The following TULP4 variants were observed in gnomAD, a reference collection of about 807,000 sequenced individuals.
TULP4 encodes the protein TUB like protein 4, also known as tubby-related protein 4.
Under a neutral mutation model 129.0 loss-of-function variants are expected in TULP4, and 16 were observed. The observed-to-expected ratio is 0.12, with a 90% CI of 0.08 to 0.19. TULP4 has a LOEUF of 0.19. Ranked by LOEUF, TULP4 falls within the 10% of genes least tolerant of loss-of-function variation. The pLI, the probability that TULP4 is intolerant of heterozygous loss-of-function variation, is 1.00. For synonymous variants in TULP4, 998 were observed against 854.0 expected (o/e 1.17, Z -2.94); for missense variants, 1,842 against 2,059.1 (o/e 0.89, Z 2.04).
At chr6:158,275,178 T>G (rs1163867857) in intron 1 of TULP4, among the ~76,000 whole-genome samples, 2 of 152,246 alleles carry the variant, frequency 1.3e-5, no homozygotes, top group African/African-American at 4.8e-5. Flanking sequence ...TGCCACTGTC[T>G]GGAGCCCACG....
upstream of TULP4, chr6:158,311,978 A>C (rs895334699): frequency 2.5e-6 from 1 of 396,078 alleles, no homozygotes; most frequent in Non-Finnish European, 4.4e-6. Context: ...AGTTTCAGCA[A>C]TTATTCTTAA....
chr6:158,237,889 A>G (rs1173450466), intron 1 of TULP4: 5 of 741,250 alleles, frequency 6.7e-6, no homozygotes, highest in Non-Finnish European at 1.3e-5. Flanking sequence ...AAACTGTGCC[A>G]GGGTATGAAT....
chr6:158,286,456 C>T (rs1011375881), intron 1 of TULP4, among the ~76,000 whole-genome samples: 5 of 152,060 alleles, frequency 3.3e-5, no homozygotes, highest in Non-Finnish European at 5.9e-5. Context: ...TACCTGTAAC[C>T]ACGAGAGTAA....
intron 1 of TULP4, among the ~76,000 whole-genome samples, chr6:158,343,689 G>A (rs1489059212): frequency 6.6e-6 from 1 of 152,124 alleles, no homozygotes; most frequent in Non-Finnish European, 1.5e-5. Context: ...ATAAATTTCT[G>A]TGGTTCATAG....
intron 1 of TULP4, chr6:158,242,157 T>C (rs1777933792): frequency 1.6e-5 from 17 of 1,056,502 alleles, no homozygotes; most frequent in Non-Finnish European, 2.2e-5. Context: ...TGGCCAGTCC[T>C]GCCTGTGGGT....
chr6:158,388,376 C>G (rs1156758048), intron 1 of TULP4, among the ~76,000 whole-genome samples: 2 of 124,676 alleles, frequency 1.6e-5, no homozygotes, highest in African/African-American at 6.4e-5. Context: ...GTCGCCCAGG[C>G]TGGAGTGCAG....
intron 1 of TULP4, among the ~76,000 whole-genome samples, chr6:158,377,428 T>C (rs1777217365): frequency 6.6e-6 from 1 of 152,252 alleles, no homozygotes; most frequent in Non-Finnish European, 1.5e-5. Flanking sequence ...AGGAAACAGA[T>C]ATTTAGAAAA....
At chr6:158,298,180 T>C (rs1779068586) in intron 1 of TULP4, among the ~76,000 whole-genome samples, 1 of 152,198 alleles carries the variant, frequency 6.6e-6, no homozygotes, top group Non-Finnish European at 1.5e-5. Flanking sequence ...TAAAAATCGC[T>C]GTTATTCTGT....
intron 1 of TULP4, among the ~76,000 whole-genome samples, chr6:158,398,727 G>A (rs1244193870): frequency 1.3e-5 from 2 of 152,222 alleles, no homozygotes; most frequent in African/African-American, 4.8e-5. Flanking sequence ...TTGTTCTTCT[G>A]TAAGAACCAC....
intron 6 of TULP4, among the ~76,000 whole-genome samples, chr6:158,463,190 G>C (rs891287119): frequency 6.6e-6 from 1 of 152,144 alleles, no homozygotes; most frequent in Non-Finnish European, 1.5e-5. Context: ...CCTGAACCCT[G>C]TCACACTCTG....
At chr6:158,250,289 C>G (rs374743575) in intron 1 of TULP4, among the ~76,000 whole-genome samples, 2 of 152,078 alleles carry the variant, frequency 1.3e-5, no homozygotes, top group African/African-American at 4.8e-5. Flanking sequence ...TCCCGAGCAG[C>G]TGGGACTACA....
intron 1 of TULP4, among the ~76,000 whole-genome samples, chr6:158,286,131 A>G (rs757807779): frequency 6.6e-6 from 1 of 152,366 alleles, no homozygotes; most frequent in Non-Finnish European, 1.5e-5. Flanking sequence ...ACAAACTGCC[A>G]TTATCTGTTG....
chr6:158,267,928 G>T (rs1778477309), intron 1 of TULP4, among the ~76,000 whole-genome samples: 2 of 151,878 alleles, frequency 1.3e-5, no homozygotes, highest in African/African-American at 4.8e-5. Flanking sequence ...ATTGAGAAGG[G>T]TTTATCAGTG....
At chr6:158,342,804 T>A (rs1780210540) in intron 1 of TULP4, among the ~76,000 whole-genome samples, 1 of 152,192 alleles carries the variant, frequency 6.6e-6, no homozygotes, top group South Asian at 2.1e-4. Flanking sequence ...TAAAAAATCA[T>A]ATAGGGCTGT....
chr6:158,349,163 C>G (rs1417364089), intron 1 of TULP4, among the ~76,000 whole-genome samples: 8 of 145,148 alleles, frequency 5.5e-5, no homozygotes, highest in Non-Finnish European at 1.1e-4. Flanking sequence ...CTCCTCACTT[C>G]CCACACGGGG....
At chr6:158,393,840 C>T (rs2114957085) in intron 1 of TULP4, among the ~76,000 whole-genome samples, 1 of 152,308 alleles carries the variant, frequency 6.6e-6, no homozygotes, top group Middle Eastern at 3.4e-3. Context: ...GACATTTTCC[C>T]CATCGTCTTG....
intron 1 of TULP4, among the ~76,000 whole-genome samples, chr6:158,354,693 G>A (rs1215150060): frequency 6.6e-6 from 1 of 152,102 alleles, no homozygotes; most frequent in Non-Finnish European, 1.5e-5. Flanking sequence ...AGGGATTTGA[G>A]TCTAGTCTGG....
In TULP4 at chr6:158,313,362, C is replaced by G. The variant is rs150644523; in HGVS notation, c.-655C>G. The G allele has an allele frequency of 6.5e-4, 258 of 397,494 alleles. 3 individuals carry two copies. The East Asian group carries it at 9.2e-3, about 14-fold the overall frequency. The allele number at this position is 397,494 out of a possible 1,614,324, so 24.6% of individuals were successfully genotyped here. On this transcript the variant is annotated 5_prime_UTR_variant, in exon 1 of 14. Coordinates refer to ENST00000367097, the MANE Select transcript of TULP4 (RefSeq NM_020245.5). Reference sequence around the variant, plus strand: ...TTCTTCCTAAAATTTGGACTCTTGTCTGCACAAACTCTGGTCTGTTTTGCA... The same window carrying G: ...TTCTTCCTAAAATTTGGACTCTTGTGTGCACAAACTCTGGTCTGTTTTGCA...
Position 158,333,041 on chromosome 6 carries a change from A to G in TULP4, c.252+18773A>G, listed in dbSNP as rs9457348. Among the ~76,000 whole-genome samples, 872 of 152,086 alleles carry G rather than the reference A, an allele frequency of 5.7e-3. 8 individuals carry two copies. The highest frequency in any genetic ancestry group is 0.019 in the African/African-American group (801 of 41,492). ...CCAGACCACCCCTATACCTTCCCCC[A>G]TTTCGTTTTTGTAATCCCTTCTTCC... On this transcript the variant is annotated intron_variant, in intron 1 of 13. Coordinates refer to ENST00000367097, the MANE Select transcript of TULP4 (RefSeq NM_020245.5).
Sources: gnomAD v4.1 joint callset for allele counts (sites outside exome capture counted in the v4.1 genomes callset) on GRCh38, gnomAD v4.1.1 for gene constraint, MANE v1.5 for transcripts, NCBI Gene and HGNC (gene_info 2026-07-23, HGNC 2026-07-21) for gene names.